The following STYX variants were observed in gnomAD, a reference collection of about 807,000 sequenced individuals.
STYX encodes serine/threonine/tyrosine interacting protein.
In STYX, 20 loss-of-function variants were observed where a neutral mutation model predicts 42.7. That is an observed-to-expected ratio of 0.47 (90% confidence interval 0.33 to 0.68). The LOEUF (loss-of-function observed/expected upper bound fraction) is 0.68. Among genes scored for constraint, STYX ranks in the 30% least tolerant of loss-of-function variants. The pLI is 0.02. For missense variants in STYX, 226 were observed against 268.5 expected (o/e 0.84, Z 1.11); for synonymous variants, 78 against 81.9 (o/e 0.95, Z 0.26).
At chr14:52,733,110 A>G (rs1427223420) in intron 1 of STYX, among the ~76,000 whole-genome samples, 2 of 152,310 alleles carry the variant, frequency 1.3e-5, no homozygotes, top group East Asian at 3.9e-4. Flanking sequence ...AATTAACAAC[A>G]CAGTAGCACA....
chr14:52,754,423 G>T (rs1226815456), intron 4 of STYX, among the ~76,000 whole-genome samples: 1 of 147,720 alleles, frequency 6.8e-6, no homozygotes, highest in Non-Finnish European at 1.5e-5. Context: ...GTGTTGCCCA[G>T]GCTGTTCTTG....
intron 1 of STYX, among the ~76,000 whole-genome samples, chr14:52,735,303 T>G (rs1028906769): frequency 3.3e-5 from 5 of 152,200 alleles, no homozygotes; most frequent in African/African-American, 1.2e-4. Context: ...CTTCTGTGTT[T>G]GAAATCTAGA....
At chr14:52,733,624 A>G (rs114753461) in intron 1 of STYX, among the ~76,000 whole-genome samples, 90 of 152,282 alleles carry the variant, frequency 5.9e-4, no homozygotes, top group African/African-American at 2.0e-3. Context: ...GACTCAGGGA[A>G]GTACATTTAC....
In STYX at chr14:52,771,188, A is replaced by G; in HGVS notation, c.*82A>G. 1.5e-6 allele frequency: 2 copies of G among 1,325,582 alleles called. No individual in the cohort carries two copies. Among genetic ancestry groups the G allele is most frequent in the South Asian group, 1.4e-5 (1 of 70,728 alleles). 82.1% of individuals were successfully genotyped at this position (1,325,582 alleles called of 1,614,324 possible). ...AGAAAATTATAATGTAAAATGGTAA[A>G]AACATAAGTAGTTTTTTTTTCAATT... On this transcript the variant is annotated 3_prime_UTR_variant, in exon 11 of 11. Transcript: ENST00000354586.
chr14:52,765,658 A>G (rs1882274781), intron 9 of STYX, among the ~76,000 whole-genome samples: 1 of 152,056 alleles, frequency 6.6e-6, no homozygotes, highest in Non-Finnish European at 1.5e-5. Context: ...ATGAAAGACA[A>G]TTTTTCCACG....
chr14:52,737,619 G>A (rs1454556380), intron 1 of STYX, among the ~76,000 whole-genome samples: 1 of 152,160 alleles, frequency 6.6e-6, no homozygotes, highest in African/African-American at 2.4e-5. Flanking sequence ...TAATACCACG[G>A]TTTCTAAAAT....
chr14:52,756,733 G>A (rs375955022), intron 5 of STYX, 122 bp downstream of exon 5: 1 of 470,406 alleles, frequency 2.1e-6, no homozygotes, highest in South Asian at 3.3e-5. Flanking sequence ...TGTTGCCCAG[G>A]CTGGAGTGCA....
At chr14:52,747,705 A>T (rs1241215137) in intron 3 of STYX, among the ~76,000 whole-genome samples, 2 of 152,252 alleles carry the variant, frequency 1.3e-5, no homozygotes, top group African/African-American at 4.8e-5. Context: ...TACAGTATTT[A>T]TCACATTAAA....
chr14:52,733,179 T>C (rs1880802959), intron 1 of STYX, among the ~76,000 whole-genome samples: 1 of 152,194 alleles, frequency 6.6e-6, no homozygotes, highest in South Asian at 2.1e-4. Context: ...CTTCAATTCT[T>C]CCCTGCCCTA....
At chr14:52,760,602 A>T (rs1218820476) in intron 9 of STYX, among the ~76,000 whole-genome samples, 1 of 152,222 alleles carries the variant, frequency 6.6e-6, no homozygotes, top group African/African-American at 2.4e-5. Context: ...AAGAATATTT[A>T]TTACAAAATA....
chr14:52,740,286 GA>G (rs890748668), intron 1 of STYX, among the ~76,000 whole-genome samples: 13 of 150,660 alleles, frequency 8.6e-5, no homozygotes, highest in Non-Finnish European at 1.6e-4. Flanking sequence ...GTCTCAAAAA[GA>G]AAAAAAAAGT....
intron 1 of STYX, among the ~76,000 whole-genome samples, chr14:52,738,188 C>T (rs1241647053): frequency 6.6e-6 from 1 of 152,202 alleles, no homozygotes; most frequent in Non-Finnish European, 1.5e-5. Context: ...TCCAAATGAA[C>T]TTTTCTGTGA....
At chr14:52,770,665 A>T (rs1399191787) in intron 10 of STYX, among the ~76,000 whole-genome samples, 1 of 152,134 alleles carries the variant, frequency 6.6e-6, no homozygotes, top group Non-Finnish European at 1.5e-5. Context: ...CAAATACAAG[A>T]TTAATTTCCT....
intron 9 of STYX, among the ~76,000 whole-genome samples, chr14:52,763,639 A>AT (rs1882186793): frequency 6.6e-6 from 1 of 151,740 alleles, no homozygotes; most frequent in African/African-American, 2.4e-5. Context: ...TGGGTTTTAA[A>AT]TTTTTTATTT....
chr14:52,742,601 A>G (rs954243664), intron 1 of STYX, among the ~76,000 whole-genome samples: 5 of 152,214 alleles, frequency 3.3e-5, no homozygotes, highest in Admixed American at 6.5e-5. Context: ...CAAAAGATTT[A>G]GAAAAGGCAT....
At chr14:52,732,267 T>TG (rs1880756136) in intron 1 of STYX, among the ~76,000 whole-genome samples, 1 of 26,382 alleles carries the variant, frequency 3.8e-5, no homozygotes, top group South Asian at 7.9e-4. Context: ...CAGGCCCAGC[T>TG]TTTTTTTTTT....
intron 1 of STYX, among the ~76,000 whole-genome samples, chr14:52,732,091 G>GT (rs560828155): frequency 0.038 from 3,294 of 85,898 alleles, 115 homozygotes; most frequent in African/African-American, 0.091. Context: ...TATACTCATG[G>GT]TTTTTTTTTT....
Position 52,730,458 on chromosome 14 carries a change from G to T in STYX, c.-17G>T, listed in dbSNP as rs1472202025. 1 of 1,612,942 alleles carries T rather than the reference G, an allele frequency of 6.2e-7. No homozygotes were observed. The highest frequency in any genetic ancestry group is 1.1e-5 in the South Asian group (1 of 90,828). Reference sequence around the variant, plus strand: ...TAACACTCTCCCACCCCACCCACCAGCCCGCGGGCCAGCACCATGGAGGAC... The same window carrying T: ...TAACACTCTCCCACCCCACCCACCATCCCGCGGGCCAGCACCATGGAGGAC... On this transcript the variant is annotated 5_prime_UTR_variant, in exon 1 of 11. Transcript: ENST00000354586.
At chr14:52,739,056 T>G (rs1443021321) in intron 1 of STYX, among the ~76,000 whole-genome samples, 1 of 152,172 alleles carries the variant, frequency 6.6e-6, no homozygotes, top group Non-Finnish European at 1.5e-5. Flanking sequence ...TCCGTTTAGT[T>G]TATTTCATAG....
Sources: allele counts gnomAD v4.1 joint callset (sites outside exome capture counted in the v4.1 genomes callset), GRCh38; gene constraint gnomAD v4.1.1; transcripts MANE v1.5; gene names NCBI Gene and HGNC (gene_info 2026-07-23, HGNC 2026-07-21).